The following CCSER2 variants were observed in gnomAD, a reference collection of about 807,000 sequenced individuals.
CCSER2 encodes the protein coiled-coil serine rich protein 2, also known as serine-rich coiled-coil domain-containing protein 2.
CCSER2 carries 46 observed loss-of-function variants against 92.3 expected under a neutral mutation model. The observed-to-expected ratio is 0.50, with a 90% CI of 0.39 to 0.64. The LOEUF (loss-of-function observed/expected upper bound fraction) is 0.64. CCSER2 is among the 30% of genes least tolerant of loss of function. CCSER2 has a pLI of 0.00. For synonymous variants in CCSER2, 433 were observed against 431.4 expected, an observed-to-expected ratio of 1.00 and a Z score of -0.04; for missense variants, 1,244 against 1,238.9, an observed-to-expected ratio of 1.00 and a Z score of -0.06.
intron 9 of CCSER2, among the ~76,000 whole-genome samples, chr10:84,510,377 G>A (rs1849289389): frequency 6.6e-6 from 1 of 152,042 alleles, no homozygotes; most frequent in Admixed American, 6.6e-5. Context: ...CCCATATGTT[G>A]TTACGCTTAA....
chr10:84,378,853 GCATGC>G (rs1846489067), intron 3 of CCSER2, among the ~76,000 whole-genome samples: 1 of 152,198 alleles, frequency 6.6e-6, no homozygotes, highest in Non-Finnish European at 1.5e-5. Context: ...GACTACAGGT[GCATGC>G]CACTATACCC....
intron 1 of CCSER2, among the ~76,000 whole-genome samples, chr10:84,347,570 G>C (rs1245851982): frequency 6.8e-6 from 1 of 146,668 alleles, no homozygotes; most frequent in African/African-American, 2.5e-5. Flanking sequence ...CACCTCCCTC[G>C]CGGACGGGGC....
At chr10:84,338,257 C>T (rs1234650782) in intron 1 of CCSER2, among the ~76,000 whole-genome samples, 1 of 150,638 alleles carries the variant, frequency 6.6e-6, no homozygotes, top group Non-Finnish European at 1.5e-5. Context: ...GCACTCCAGC[C>T]TGGGCAACAA....
chr10:84,507,743 G>A (rs149612081), intron 9 of CCSER2, among the ~76,000 whole-genome samples: 5 of 152,078 alleles, frequency 3.3e-5, no homozygotes, highest in African/African-American at 7.2e-5. Flanking sequence ...TTGAAGTGTC[G>A]TAAAACAGTA....
At chr10:84,465,989 C>T (rs753075908) in intron 7 of CCSER2, among the ~76,000 whole-genome samples, 26 of 152,194 alleles carry the variant, frequency 1.7e-4, no homozygotes, top group Non-Finnish European at 3.4e-4. Context: ...CCGCCCGCTT[C>T]GGCGTCCCAA....
chr10:84,373,083 C>A (rs909276487), intron 2 of CCSER2, among the ~76,000 whole-genome samples: 1 of 151,928 alleles, frequency 6.6e-6, no homozygotes, highest in Non-Finnish European at 1.5e-5. Context: ...TGCCCATATA[C>A]CTGAATAAAG....
chr10:84,514,620 A>G lies in CCSER2; in HGVS notation c.*353A>G, dbSNP rs531328979. 22 of 211,056 alleles carry G rather than the reference A, an allele frequency of 1.0e-4. No individual in the cohort carries two copies. The highest frequency in any genetic ancestry group is 1.6e-4 in the Admixed American group (3 of 19,228). 13.1% of individuals were successfully genotyped at this position (211,056 alleles called of 1,614,324 possible). A position where few individuals can be genotyped will look rare whatever the true frequency, so the allele number is the denominator to read the frequency against. ...CTGGTTTAGTCCTATTAAGGTCTGT[A>G]TTTATTGTGGTTGTCAGAACCTCAC... On this transcript the variant is annotated 3_prime_UTR_variant, in exon 10 of 10. Coordinates refer to ENST00000372088, the MANE Select transcript of CCSER2 (RefSeq NM_001284240.2).
intron 9 of CCSER2, among the ~76,000 whole-genome samples, chr10:84,484,781 T>C (rs926775997): frequency 9.9e-5 from 15 of 152,222 alleles, no homozygotes; most frequent in African/African-American, 3.6e-4. Flanking sequence ...TTGTGTGGCA[T>C]GCAGAATTTA....
chr10:84,470,150 C>T (rs1846700312), intron 7 of CCSER2, among the ~76,000 whole-genome samples: 1 of 150,394 alleles, frequency 6.6e-6, no homozygotes, highest in Non-Finnish European at 1.5e-5. Flanking sequence ...TAGTTTTTAA[C>T]ATCTAATAAG....
chr10:84,445,994 G>T (rs960958043), intron 6 of CCSER2, among the ~76,000 whole-genome samples: 4 of 152,118 alleles, frequency 2.6e-5, no homozygotes, highest in African/African-American at 2.4e-5. Flanking sequence ...TTAATTATAA[G>T]TTGGGTAAAT....
intron 1 of CCSER2, among the ~76,000 whole-genome samples, chr10:84,355,506 T>C (rs532435879): frequency 1.3e-5 from 2 of 152,336 alleles, no homozygotes; most frequent in South Asian, 4.1e-4. Context: ...TTAAGCACTT[T>C]CTTTTTTGTT....
chr10:84,500,750 A>G (rs1020480889), intron 9 of CCSER2, among the ~76,000 whole-genome samples: 10 of 152,204 alleles, frequency 6.6e-5, no homozygotes, highest in Non-Finnish European at 2.9e-5. Context: ...AATACAGTCA[A>G]TCAGAGGTAT....
intron 1 of CCSER2, among the ~76,000 whole-genome samples, chr10:84,335,750 C>T (rs1843803674): frequency 1.3e-5 from 2 of 152,134 alleles, no homozygotes; most frequent in African/African-American, 4.8e-5. Context: ...TTCGTTGCAG[C>T]CTGAGTGCTT....
At chr10:84,497,995 T>C (rs1176702382) in intron 9 of CCSER2, among the ~76,000 whole-genome samples, 1 of 152,170 alleles carries the variant, frequency 6.6e-6, no homozygotes, top group Non-Finnish European at 1.5e-5. Flanking sequence ...AATCAGTAAT[T>C]TTCTCAAGGT....
chr10:84,418,768 C>T (rs1842997009), intron 4 of CCSER2, among the ~76,000 whole-genome samples: 2 of 152,164 alleles, frequency 1.3e-5, no homozygotes, highest in South Asian at 4.1e-4. Context: ...TTTTTCCTGC[C>T]AGAATGCTGT....
chr10:84,438,776 TTAAAAAAA>T, intron 6 of CCSER2, 69 bp downstream of exon 6: 1 of 955,662 alleles, frequency 1.0e-6, no homozygotes, highest in Non-Finnish European at 1.6e-6. Context: ...TTAGTTTTTT[TTAAAAAAA>T]TACTTACTGG....
intron 3 of CCSER2, among the ~76,000 whole-genome samples, chr10:84,404,257 C>G (rs1018659419): frequency 2.6e-5 from 4 of 152,174 alleles, no homozygotes; most frequent in Non-Finnish European, 4.4e-5. Flanking sequence ...TTCACTATGC[C>G]AACCCCTTCG....
chr10:84,457,358 TA>T (rs1448881704), intron 6 of CCSER2, among the ~76,000 whole-genome samples: 3 of 31,512 alleles, frequency 9.5e-5, no homozygotes, highest in Non-Finnish European at 2.8e-4. Context: ...ATAATATATA[TA>T]TTTATTTTAA....
At chr10:84,480,211 A>AT (rs901930835) in intron 9 of CCSER2, among the ~76,000 whole-genome samples, 6 of 151,298 alleles carry the variant, frequency 4.0e-5, no homozygotes, top group Admixed American at 2.0e-4. Context: ...TGCCTGGCTA[A>AT]TTTTTTTATT....
Sources: gnomAD v4.1 joint callset for allele counts (sites outside exome capture counted in the v4.1 genomes callset) on GRCh38, gnomAD v4.1.1 for gene constraint, MANE v1.5 for transcripts, NCBI Gene and HGNC (gene_info 2026-07-23, HGNC 2026-07-21) for gene names.